Variants in CATSPER4 observed in about 807,000 individuals in gnomAD.
The protein encoded by CATSPER4 is cation channel sperm associated 4, also known as cation channel sperm-associated protein 4.
CATSPER4 carries 46 observed loss-of-function variants against 54.4 expected under a neutral mutation model. The observed-to-expected ratio is 0.84, with a 90% CI of 0.67 to 1.08. The LOEUF is 1.08. Among genes scored for constraint, CATSPER4 ranks in the 50% least tolerant of loss-of-function variants. The probability of loss-of-function intolerance (pLI) is 0.00; values close to 1 mark genes in which losing one functional copy is unlikely to be tolerated. For synonymous variants in CATSPER4, 230 were observed against 231.9 expected, an observed-to-expected ratio of 0.99 and a Z score of 0.08; for missense variants, 574 against 612.8, an observed-to-expected ratio of 0.94 and a Z score of 0.67.
intron 3 of CATSPER4, among the ~76,000 whole-genome samples, chr1:26,195,723 T>C (rs12759230): frequency 0.59 from 89,042 of 151,898 alleles, 26,706 homozygotes; most frequent in Non-Finnish European, 0.65. Context: ...AGGATGATCT[T>C]GATCTCCTGA....
intron 7 of CATSPER4, 47 bp from the exon 8 acceptor site, chr1:26,200,783 G>A (rs758111745): frequency 1.3e-6 from 2 of 1,485,122 alleles, no homozygotes; most frequent in Non-Finnish European, 1.9e-6. Flanking sequence ...TGCCGGGGGC[G>A]TGCCTGCCTG....
chr1:26,202,489 G>A lies in CATSPER4; in HGVS notation c.1366G>A (p.Val456Ile), dbSNP rs374054496. The A allele has an allele frequency of 1.4e-4, 225 of 1,611,408 alleles. No homozygotes were observed. Among genetic ancestry groups the A allele is most frequent in the Non-Finnish European group, 1.9e-4 (221 of 1,178,900 alleles). Residue 456 changes from valine to isoleucine, a missense_variant and splice_region_variant, in exon 10 of 10, where the codon GTT becomes ATT. Val to Ile is a conservative substitution (Grantham distance 29). Transcript: ENST00000456354. The part of the protein sequence containing the change: ...LLSALVSMEK[V>I]HDSSSQILLK... The stretch of plus-strand genomic sequence containing the variant: ...AACAAGAAGACCTCTTGGTTTGCAG[G>A]TTCATGACTCTAGCTCACAAATACT...
intron 5 of CATSPER4, 53 bp from the exon 6 acceptor site, chr1:26,198,231 TCC>T: frequency 6.2e-7 from 1 of 1,614,144 alleles, no homozygotes; most frequent in Non-Finnish European, 8.5e-7. Flanking sequence ...CATTTGTGTG[TCC>T]TATTTCCAGG....
intron 3 of CATSPER4, among the ~76,000 whole-genome samples, chr1:26,196,912 TC>T (rs201685403): frequency 0.21 from 23,636 of 114,504 alleles, 1,947 homozygotes; most frequent in Middle Eastern, 0.31. Context: ...TTCTTTTCTT[TC>T]TTTTTTTTTT....
At chr1:26,196,990 C>T (rs1165744134) in intron 3 of CATSPER4, among the ~76,000 whole-genome samples, 1 of 151,358 alleles carries the variant, frequency 6.6e-6, no homozygotes, top group Non-Finnish European at 1.5e-5. Flanking sequence ...TCACTGCAAC[C>T]TCCGCCTCCT....
chr1:26,200,312 C>G (rs984497992), intron 7 of CATSPER4, among the ~76,000 whole-genome samples: 3 of 152,142 alleles, frequency 2.0e-5, no homozygotes, highest in African/African-American at 7.2e-5. Flanking sequence ...GGCATTTACC[C>G]ACTCTAAGCC....
At chr1:26,201,634 C>T (rs767691797) in intron 9 of CATSPER4, 115 bp downstream of exon 9, 11 of 919,314 alleles carry the variant, frequency 1.2e-5, no homozygotes, top group Admixed American at 1.8e-5. Flanking sequence ...GATCTGGTCC[C>T]CCTCACCACC....
At chr1:26,191,143 G>A in intron 1 of CATSPER4, 144 bp from the exon 2 acceptor site, 1 of 938,704 alleles carries the variant, frequency 1.1e-6, no homozygotes, top group Non-Finnish European at 1.7e-6. Flanking sequence ...TCTCTACACT[G>A]ATGTCTCCAT....
At chr1:26,193,965 C>G in intron 3 of CATSPER4, 77 bp downstream of exon 3, 1 of 961,034 alleles carries the variant, frequency 1.0e-6, no homozygotes, top group East Asian at 2.4e-5. Flanking sequence ...ACTCCTGGCC[C>G]TACAAACTGA....
chr1:26,193,978 G>A (rs2088905411), intron 3 of CATSPER4, 90 bp downstream of exon 3: 1 of 845,232 alleles, frequency 1.2e-6, no homozygotes, highest in Non-Finnish European at 2.1e-6. Flanking sequence ...CAAACTGAGG[G>A]TGTGAGTATG....
chr1:26,202,796 G>C lies in CATSPER4; in HGVS notation c.*254G>C, dbSNP rs1180822233. 3 of 564,054 alleles carry C rather than the reference G, an allele frequency of 5.3e-6. No homozygotes were observed. The highest frequency in any genetic ancestry group is 2.1e-5 in the South Asian group (1 of 48,258). The allele number at this position is 564,054 out of a possible 1,614,324, so 34.9% of individuals were successfully genotyped here. On this transcript the variant is annotated 3_prime_UTR_variant, in exon 10 of 10. Transcript: ENST00000456354. ...CTAGCAGCAAGGATGAGCACAGAAG[G>C]GGGTGCTGGCCAACGCAGCCAGGAT...
At chr1:26,199,084 C>T (rs925283341) in intron 6 of CATSPER4, among the ~76,000 whole-genome samples, 1 of 151,716 alleles carries the variant, frequency 6.6e-6, no homozygotes, top group African/African-American at 2.4e-5. Flanking sequence ...AGGTGGGCAG[C>T]TCACGAGGTC....
At position 26,190,787 on chromosome 1, in the gene CATSPER4, G is replaced by C. The variant is rs747126083; in HGVS notation, c.160G>C (p.Gly54Arg). Residue 54 changes from glycine (G) to arginine (R), a missense_variant, in exon 1 of 10, where the codon GGT becomes CGT. By Grantham distance (125) the Gly-to-Arg change is moderately radical. Transcript: ENST00000456354. ...PLQSTIHESY[G>R]RPEEQVLINR... ...GCAGAGTACCATTCACGAGTCCTAC[G>C]GTCGGCCAGAGGAGCAAGTGCTCAT... 1 of 1,613,232 alleles carries C rather than the reference G, an allele frequency of 6.2e-7. No individual in the cohort carries two copies. The highest frequency in any genetic ancestry group is 1.1e-5 in the South Asian group (1 of 90,904).
intron 7 of CATSPER4, among the ~76,000 whole-genome samples, chr1:26,200,267 T>C (rs1035210949): frequency 9.2e-5 from 14 of 152,174 alleles, no homozygotes; most frequent in African/African-American, 3.4e-4. Context: ...TAGATTTCTA[T>C]GGCAACTCAA....
chr1:26,193,974 G>T (rs2088905327), intron 3 of CATSPER4, 86 bp downstream of exon 3: 2 of 890,944 alleles, frequency 2.2e-6, no homozygotes, highest in Admixed American at 1.7e-5. Context: ...CCTACAAACT[G>T]AGGGTGTGAG....
Position 26,190,689 on chromosome 1 carries a change from G to T in CATSPER4, c.62G>T (p.Trp21Leu). The change falls in exon 1 of 10, where the codon TGG becomes TTG. Residue 21 changes from tryptophan (W) to leucine (L), a missense_variant. Coordinates refer to ENST00000456354, the MANE Select transcript of CATSPER4 (RefSeq NM_198137.2). ...QWTSHTGLEG[W>L]GGTQEDRMGF... ...ACCTCCCATACAGGCCTCGAGGGGT[G>T]GGGCGGGACTCAGGAGGACCGTATG... is the stretch of plus-strand genomic sequence containing the variant. 6.2e-7 allele frequency: 1 copy of T among 1,611,950 alleles called. No individual in the cohort carries two copies.
chr1:26,199,263 C>T (rs2088978574), intron 6 of CATSPER4, among the ~76,000 whole-genome samples: 1 of 151,948 alleles, frequency 6.6e-6, no homozygotes, highest in Admixed American at 6.6e-5. Flanking sequence ...AGGTGAAACC[C>T]CGTCTCTACT....
intron 7 of CATSPER4, 95 bp downstream of exon 7, chr1:26,200,153 A>G: frequency 7.0e-7 from 1 of 1,432,014 alleles, no homozygotes; most frequent in Non-Finnish European, 9.5e-7. Flanking sequence ...TGCATAATCA[A>G]GGGCCTGGAG....
rs775403432 is a variant in CATSPER4, at chr1:26,190,676, G to A, written c.49G>A (p.Gly17Ser). Residue 17 changes from glycine (G) to serine (S), a missense_variant, in exon 1 of 10, where the codon GGC becomes AGC. Transcript: ENST00000456354. The stretch of plus-strand genomic sequence containing the variant: ...GTGGCAGCAATGGACCTCCCATACA[G>A]GCCTCGAGGGGTGGGGCGGGACTCA... ...AWWQQWTSHT[G>S]LEGWGGTQED... The A allele has an allele frequency of 9.9e-6, 16 of 1,610,596 alleles. No individual in the cohort carries two copies. Among genetic ancestry groups the A allele is most frequent in the Non-Finnish European group, 1.2e-5 (14 of 1,179,926 alleles).
Sources: gnomAD v4.1 joint callset for allele counts (sites outside exome capture counted in the v4.1 genomes callset) on GRCh38, gnomAD v4.1.1 for gene constraint, MANE v1.5 for transcripts, NCBI Gene and HGNC (gene_info 2026-07-23, HGNC 2026-07-21) for gene names.